ETNK1: variants seen among roughly 807,000 people sequenced by gnomAD.
The protein encoded by ETNK1 is ethanolamine kinase 1, also known as putative protein product of Nbla10396.
In ETNK1, 8 loss-of-function variants were observed where a neutral mutation model predicts 45.1. The ratio of observed to expected loss-of-function variants is 0.18; its 90% CI spans 0.10 to 0.32. The LOEUF is 0.32. ETNK1 is among the 10% of genes least tolerant of loss of function. The probability of loss-of-function intolerance (pLI) is 1.00; values close to 1 mark genes in which losing one functional copy is unlikely to be tolerated. For missense variants in ETNK1, 302 were observed against 430.6 expected (o/e 0.70, Z 2.64); for synonymous variants, 152 against 151.9 (o/e 1.00, Z -0.01).
chr12:22,655,918 A>G (rs1340966226), intron 2 of ETNK1, among the ~76,000 whole-genome samples: 2 of 152,210 alleles, frequency 1.3e-5, no homozygotes, highest in African/African-American at 2.4e-5. Context: ...GTGCAGCGTT[A>G]TAGGGGTGTT....
chr12:22,627,591 T>C (rs1337321647), intron 1 of ETNK1, among the ~76,000 whole-genome samples: 1 of 152,120 alleles, frequency 6.6e-6, no homozygotes, highest in African/African-American at 2.4e-5. Flanking sequence ...TCAGAATTTC[T>C]TTAGTAAATC....
chr12:22,629,112 T>G (rs1394251590), intron 1 of ETNK1, among the ~76,000 whole-genome samples: 4 of 152,172 alleles, frequency 2.6e-5, no homozygotes. Flanking sequence ...AAATGCTGTC[T>G]TTCATGATAA....
intron 4 of ETNK1, among the ~76,000 whole-genome samples, chr12:22,668,324 A>T (rs1954074770): frequency 6.6e-6 from 1 of 152,212 alleles, no homozygotes; most frequent in Non-Finnish European, 1.5e-5. Context: ...AAATTTTAGA[A>T]ATCAGAAGTT....
intron 6 of ETNK1, among the ~76,000 whole-genome samples, chr12:22,676,806 GTCT>G (rs995332262): frequency 1.4e-4 from 21 of 151,872 alleles, no homozygotes; most frequent in African/African-American, 4.8e-4. Flanking sequence ...CCGTATAAAT[GTCT>G]TCTTTTGAGA....
At chr12:22,625,981 C>T (rs1292378949) in intron 1 of ETNK1, 1 of 433,210 alleles carries the variant, frequency 2.3e-6, no homozygotes, top group Non-Finnish European at 4.5e-6. Context: ...AGTCATTAAT[C>T]CTCTCTGATC....
chr12:22,670,743 T>G (rs1954099941), intron 4 of ETNK1, among the ~76,000 whole-genome samples: 1 of 152,192 alleles, frequency 6.6e-6, no homozygotes, highest in Non-Finnish European at 1.5e-5. Flanking sequence ...GCAACTAACT[T>G]CTTGTTAGTG....
At chr12:22,682,543 G>T (rs1441287973) in intron 6 of ETNK1, among the ~76,000 whole-genome samples, 5 of 152,176 alleles carry the variant, frequency 3.3e-5, no homozygotes, top group African/African-American at 1.2e-4. Context: ...TGCAGTAGAC[G>T]TGCTTTATAT....
chr12:22,676,597 A>G (rs1954164917), intron 6 of ETNK1, among the ~76,000 whole-genome samples: 1 of 151,920 alleles, frequency 6.6e-6, no homozygotes, highest in Admixed American at 6.6e-5. Context: ...GTCTTCCACA[A>G]TGGTTGAACT....
At chr12:22,684,832 C>A in intron 7 of ETNK1, 50 bp from the exon 8 acceptor site, 1 of 1,440,766 alleles carries the variant, frequency 6.9e-7, no homozygotes, top group Non-Finnish European at 9.6e-7. Context: ...AGGGAAGGAC[C>A]AAGTTTTTCA....
intron 2 of ETNK1, among the ~76,000 whole-genome samples, chr12:22,646,383 C>G (rs1422389742): frequency 6.6e-6 from 1 of 151,546 alleles, no homozygotes; most frequent in African/African-American, 2.4e-5. Context: ...GATCAGTAGA[C>G]CATGGTCTGG....
At chr12:22,650,310 C>T (rs188083818) in intron 2 of ETNK1, among the ~76,000 whole-genome samples, 22 of 150,508 alleles carry the variant, frequency 1.5e-4, no homozygotes, top group Admixed American at 1.3e-3. Flanking sequence ...ACTTTCAGTA[C>T]AGTGTTAAAA....
intron 2 of ETNK1, among the ~76,000 whole-genome samples, chr12:22,656,025 A>G (rs1198821018): frequency 6.6e-6 from 1 of 152,190 alleles, no homozygotes; most frequent in East Asian, 1.9e-4. Context: ...AAGACTTTCA[A>G]AATTAGTTAA....
intron 1 of ETNK1, chr12:22,625,792 G>A: frequency 2.5e-6 from 2 of 786,424 alleles, no homozygotes; most frequent in Non-Finnish European, 4.3e-6. Context: ...AGATTGACCT[G>A]AGGCACATTT....
intron 4 of ETNK1, among the ~76,000 whole-genome samples, chr12:22,663,790 A>G (rs969248063): frequency 6.6e-6 from 1 of 151,580 alleles, no homozygotes; most frequent in African/African-American, 2.4e-5. Flanking sequence ...TCTAGTTTGT[A>G]TCATTTGTTT....
At chr12:22,641,328 G>A (rs1480986350) in intron 1 of ETNK1, among the ~76,000 whole-genome samples, 4 of 152,158 alleles carry the variant, frequency 2.6e-5, no homozygotes, top group African/African-American at 9.7e-5. Context: ...AAGAAATGAA[G>A]CAGGCCCAAA....
intron 2 of ETNK1, chr12:22,644,388 A>G (rs1035336751): frequency 1.4e-5 from 19 of 1,325,752 alleles, no homozygotes; most frequent in Admixed American, 3.3e-5. Context: ...GTTCTTGCCT[A>G]TTAAAATTTT....
chr12:22,626,512 G>C (rs1284479149), intron 1 of ETNK1, among the ~76,000 whole-genome samples: 1 of 152,094 alleles, frequency 6.6e-6, no homozygotes, highest in Non-Finnish European at 1.5e-5. Context: ...ATTTGAATTA[G>C]CCAAATCATC....
At chr12:22,643,317 A>G (rs1182889276) in intron 1 of ETNK1, among the ~76,000 whole-genome samples, 4 of 152,160 alleles carry the variant, frequency 2.6e-5, no homozygotes, top group African/African-American at 7.2e-5. Flanking sequence ...CATACTAGGA[A>G]TAGGGCAGTG....
chr12:22,631,466 C>T (rs778125367), intron 1 of ETNK1, among the ~76,000 whole-genome samples: 3 of 152,112 alleles, frequency 2.0e-5, no homozygotes, highest in Non-Finnish European at 2.9e-5. Context: ...TGAGCCACTG[C>T]GCCCGGTGGT....
Sources: allele counts gnomAD v4.1 joint callset (sites outside exome capture counted in the v4.1 genomes callset), GRCh38; gene constraint gnomAD v4.1.1; transcripts MANE v1.5; gene names NCBI Gene and HGNC (gene_info 2026-07-23, HGNC 2026-07-21).